Variants in CCDC63 observed in about 807,000 individuals in gnomAD.
The protein encoded by CCDC63 is coiled-coil domain-containing protein 63.
Under a neutral mutation model 63.6 loss-of-function variants are expected in CCDC63, and 54 were observed. The ratio of observed to expected loss-of-function variants is 0.85; its 90% CI spans 0.68 to 1.07. CCDC63 has a LOEUF of 1.07. Among genes scored for constraint, CCDC63 ranks in the 50% least tolerant of loss-of-function variants. The pLI is 0.00. For missense variants in CCDC63, 637 were observed against 689.6 expected (o/e 0.92, Z 0.86); for synonymous variants, 253 against 266.1 (o/e 0.95, Z 0.48).
chr12:110,853,253 A>T, intron 2 of CCDC63, 152 bp from the exon 3 acceptor site: 1 of 777,186 alleles, frequency 1.3e-6, no homozygotes, highest in Non-Finnish European at 2.0e-6. Flanking sequence ...TTTTCCATGT[A>T]ATAGACAAGC....
At chr12:110,867,039 C>T (rs2070963894) in intron 4 of CCDC63, among the ~76,000 whole-genome samples, 1 of 128,616 alleles carries the variant, frequency 7.8e-6, no homozygotes, top group African/African-American at 3.1e-5. Context: ...GCTGGCCGGG[C>T]AGAGGGGCTC....
intron 9 of CCDC63, among the ~76,000 whole-genome samples, chr12:110,896,031 T>G (rs983501801): frequency 4.0e-4 from 61 of 152,292 alleles, no homozygotes; most frequent in African/African-American, 1.4e-3. Context: ...CTGGAATATT[T>G]TAGGAGCTAG....
intron 10 of CCDC63, 114 bp downstream of exon 10, chr12:110,899,239 C>G: frequency 1.1e-6 from 1 of 884,684 alleles, no homozygotes; most frequent in Non-Finnish European, 1.7e-6. Flanking sequence ...AGTGTGTGGG[C>G]ACTAAAGCCA....
At chr12:110,851,823 A>G (rs191880011) in intron 1 of CCDC63, among the ~76,000 whole-genome samples, 6 of 152,352 alleles carry the variant, frequency 3.9e-5, no homozygotes, top group East Asian at 1.9e-4. Context: ...TACACACTCA[A>G]TGACATGGCT....
intron 2 of CCDC63, among the ~76,000 whole-genome samples, 170 bp from the exon 3 acceptor site, chr12:110,853,235 A>G (rs2070728507): frequency 6.6e-6 from 1 of 152,068 alleles, no homozygotes; most frequent in Non-Finnish European, 1.5e-5. Flanking sequence ...CTAGCAAGCC[A>G]GGGTGGGTTT....
chr12:110,888,805 C>A, intron 8 of CCDC63, among the ~76,000 whole-genome samples: 1 of 115,730 alleles, frequency 8.6e-6, no homozygotes, highest in South Asian at 2.8e-4. Flanking sequence ...TTCCTTCCTT[C>A]CTTCCTTCCT....
upstream of CCDC63, among the ~76,000 whole-genome samples, chr12:110,846,305 C>G (rs903316722): frequency 1.3e-5 from 2 of 152,072 alleles, no homozygotes; most frequent in African/African-American, 2.4e-5. Flanking sequence ...GAGCTTAGCC[C>G]CAGAGAAAGT....
At chr12:110,858,928 G>T (rs1004810135) in intron 4 of CCDC63, among the ~76,000 whole-genome samples, 153 bp downstream of exon 4, 1 of 152,006 alleles carries the variant, frequency 6.6e-6, no homozygotes, top group Non-Finnish European at 1.5e-5. Flanking sequence ...CTATCGTCTC[G>T]CTACCCTTGA....
intron 5 of CCDC63, 65 bp from the exon 6 acceptor site, chr12:110,879,841 C>T (rs1209616155): frequency 6.6e-7 from 1 of 1,523,150 alleles, no homozygotes; most frequent in Non-Finnish European, 9.0e-7. Flanking sequence ...CTTCCAGGTG[C>T]CTTCTGGTAG....
intron 8 of CCDC63, among the ~76,000 whole-genome samples, chr12:110,887,376 T>G (rs756588532): frequency 2.6e-4 from 39 of 152,024 alleles, no homozygotes; most frequent in Non-Finnish European, 4.7e-4. Context: ...TCCGCCTGCC[T>G]CGGCCTCCCA....
At chr12:110,894,573 T>G (rs936377050) in intron 9 of CCDC63, among the ~76,000 whole-genome samples, 2 of 152,204 alleles carry the variant, frequency 1.3e-5, no homozygotes, top group African/African-American at 4.8e-5. Context: ...AAGCACATGC[T>G]GCCCATTGAG....
chr12:110,858,161 A>AT (rs749002897), intron 3 of CCDC63, among the ~76,000 whole-genome samples: 6 of 142,564 alleles, frequency 4.2e-5, no homozygotes, highest in African/African-American at 1.5e-4. Context: ...ATAAAATAAA[A>AT]AATAAAATAA....
intron 10 of CCDC63, among the ~76,000 whole-genome samples, chr12:110,901,551 G>A (rs568057603): frequency 3.6e-4 from 54 of 151,740 alleles, no homozygotes; most frequent in Non-Finnish European, 5.2e-4. Context: ...CTGTTTTTTT[G>A]TATTCATTAA....
intron 5 of CCDC63, among the ~76,000 whole-genome samples, chr12:110,875,820 G>A (rs1031836970): frequency 6.6e-5 from 10 of 152,108 alleles, no homozygotes; most frequent in East Asian, 1.9e-4. Context: ...GACCTGGCGC[G>A]GTGGCTCACG....
At chr12:110,896,571 C>T (rs6489822) in intron 9 of CCDC63, among the ~76,000 whole-genome samples, 54,346 of 151,836 alleles carry the variant, frequency 0.36, 10,076 homozygotes, top group African/African-American at 0.43. Context: ...GGCTGGTTCA[C>T]CCAGGGTCCA....
At chr12:110,893,237 G>C in intron 9 of CCDC63, 87 bp downstream of exon 9, 1 of 1,110,592 alleles carries the variant, frequency 9.0e-7, no homozygotes, top group Non-Finnish European at 1.3e-6. Flanking sequence ...TCTGTCCGTC[G>C]GGCATCTGTC....
chr12:110,900,068 GCTGGGTGTGGTGGTGTACA>G (rs889319562), intron 10 of CCDC63, among the ~76,000 whole-genome samples: 21 of 151,916 alleles, frequency 1.4e-4, no homozygotes, highest in Admixed American at 1.4e-3. Context: ...ACAAAAATTA[GCTGGGTGTGGTGGTGTACA>G]CTGTAGTCCC....
intron 4 of CCDC63, among the ~76,000 whole-genome samples, chr12:110,868,693 C>T (rs1008811367): frequency 2.2e-5 from 3 of 135,710 alleles, no homozygotes; most frequent in African/African-American, 8.1e-5. Flanking sequence ...TTCGGCTCCG[C>T]ATGAGAGGGA....
intron 8 of CCDC63, among the ~76,000 whole-genome samples, chr12:110,886,161 TG>T (rs2071276292): frequency 6.6e-6 from 1 of 151,902 alleles, no homozygotes; most frequent in Non-Finnish European, 1.5e-5. Flanking sequence ...CCGAGGCGGG[TG>T]GATCACCTGA....
Sources: allele counts gnomAD v4.1 joint callset (sites outside exome capture counted in the v4.1 genomes callset), GRCh38; gene constraint gnomAD v4.1.1; transcripts MANE v1.5; gene names NCBI Gene and HGNC (gene_info 2026-07-23, HGNC 2026-07-21).